CTPS2: variants seen among roughly 807,000 people sequenced by gnomAD.
The protein encoded by CTPS2 is CTP synthase II.
CTPS2 carries 19 observed loss-of-function variants against 46.8 expected under a neutral mutation model. The observed-to-expected ratio is 0.41, with a 90% CI of 0.28 to 0.60. The LOEUF is 0.60. CTPS2 is among the 20% of genes least tolerant of loss of function. CTPS2 has a pLI of 0.35. For synonymous variants in CTPS2, 151 were observed against 165.2 expected, an observed-to-expected ratio of 0.91 and a Z score of 0.66; for missense variants, 286 against 447.6, an observed-to-expected ratio of 0.64 and a Z score of 3.26.
chrX:16,672,852 T>C (rs1347252800), intron 10 of CTPS2, among the ~76,000 whole-genome samples: 2 of 108,746 alleles, frequency 1.8e-5, no homozygotes, highest in African/African-American at 6.7e-5. Context: ...AAGTTTTGAT[T>C]AATGGTAAAA....
chrX:16,658,362 A>G lies in CTPS2; in HGVS notation c.1296+9152T>C, dbSNP rs369328598. The stretch of plus-strand genomic sequence containing the variant: ...AACTCTTAAACATTTCTCATGACTC[A>G]TTACATTCCACTGTACAGATACCCC... On this transcript the variant is annotated intron_variant, in intron 13 of 18. Coordinates refer to ENST00000359276, the MANE Select transcript of CTPS2 (RefSeq NM_175859.3). Among the ~76,000 whole-genome samples the G allele has an allele frequency of 1.6e-4, 18 of 112,055 alleles. No individual in the cohort carries two copies. The East Asian group carries it at 2.8e-3, about 17-fold the overall frequency.
At chrX:16,676,972 T>C (rs992155894) in intron 10 of CTPS2, among the ~76,000 whole-genome samples, 1 of 107,745 alleles carries the variant, frequency 9.3e-6, no homozygotes, top group Non-Finnish European at 1.9e-5. Flanking sequence ...GGCAGAAGAA[T>C]TGCTTGAACC....
chrX:16,703,296 G>A (rs1924724513), intron 1 of CTPS2, among the ~76,000 whole-genome samples: 1 of 107,923 alleles, frequency 9.3e-6, no homozygotes, highest in African/African-American at 3.4e-5. Context: ...CAAAGTGCTG[G>A]GATAACAGGC....
chrX:16,675,610 A>G (rs1426250378), intron 10 of CTPS2, among the ~76,000 whole-genome samples: 1 of 112,414 alleles, frequency 8.9e-6, no homozygotes, highest in East Asian at 2.8e-4. Flanking sequence ...GTTGTAAGCC[A>G]CAGATGTAAC....
intron 2 of CTPS2, among the ~76,000 whole-genome samples, chrX:16,699,644 C>T (rs1326883150): frequency 4.4e-5 from 5 of 112,555 alleles, no homozygotes; most frequent in Non-Finnish European, 9.4e-5. Context: ...CCAACTTTAA[C>T]TACTAGACAC....
At position 16,591,230 on chromosome X, in the gene CTPS2, G is replaced by T. The variant is rs6629156; in HGVS notation, c.1692-368C>A. On this transcript the variant is annotated intron_variant, in intron 17 of 18. Transcript: ENST00000359276. ...CTTCCTGCCACCTTAACTATTGCTT[G>T]CTTTCTACTAGAGGTGTTATATTAA... Among the ~76,000 whole-genome samples, 282 of 111,688 alleles carry T rather than the reference G, an allele frequency of 2.5e-3. 2 individuals carry two copies. Among genetic ancestry groups the T allele is most frequent in the African/African-American group, 8.7e-3 (269 of 30,757 alleles).
intron 17 of CTPS2, among the ~76,000 whole-genome samples, chrX:16,607,078 C>T (rs1252260895): frequency 1.8e-5 from 2 of 112,941 alleles, no homozygotes; most frequent in Non-Finnish European, 3.7e-5. Context: ...GACCACCACC[C>T]GCCATGCGGG....
rs188944036 is a variant in CTPS2 at position 16,601,552 on chromosome X, T to C, written c.1691+7989A>G. ...ATATGGATTTGTGTGCATTTTATCC[T>C]ATAAACCAAGGGAAGCCATCGGGGG... On this transcript the variant is annotated intron_variant, in intron 17 of 18. Transcript: ENST00000359276. Among the ~76,000 whole-genome samples the C allele has an allele frequency of 1.0e-4, 8 of 76,700 alleles. No homozygotes were observed. The East Asian group carries it at 4.3e-3, about 41-fold the overall frequency. The allele number at this position is 76,700 out of a possible 115,157, so 66.6% of individuals were successfully genotyped here. A position where few individuals can be genotyped will look rare whatever the true frequency, so the allele number is the denominator to read the frequency against.
At chrX:16,630,533 T>C (rs112041205) in intron 14 of CTPS2, among the ~76,000 whole-genome samples, 3,117 of 110,368 alleles carry the variant, frequency 0.028, 117 homozygotes, top group African/African-American at 0.097. Context: ...GGATTACAGG[T>C]GTGAGCCACC....
chrX:16,647,609 G>C (rs747411627), intron 13 of CTPS2, among the ~76,000 whole-genome samples: 24 of 110,330 alleles, frequency 2.2e-4, no homozygotes, highest in African/African-American at 7.9e-4. Context: ...CTTGAAAGAA[G>C]AGATTTGTAG....
chrX:16,615,660 T>C (rs1930492054), intron 16 of CTPS2, among the ~76,000 whole-genome samples: 1 of 112,028 alleles, frequency 8.9e-6, no homozygotes, highest in South Asian at 3.8e-4. Context: ...TGGGTTTCCC[T>C]GTCAGTCTAT....
At chrX:16,674,771 G>A (rs1254479459) in intron 10 of CTPS2, among the ~76,000 whole-genome samples, 2 of 107,388 alleles carry the variant, frequency 1.9e-5, no homozygotes, top group Non-Finnish European at 3.8e-5. Flanking sequence ...CCAGGAGGCA[G>A]AGCTTGCAGT....
rs770730197 is a variant in CTPS2 at position 16,689,616 on chromosome X, G to A, written c.721-15C>T. Reference sequence around the variant, plus strand: ...ATACATATGACCTAAGTGGCGATGAGAAATCACCATACTTAGATGGATCTA... The same window carrying A: ...ATACATATGACCTAAGTGGCGATGAAAAATCACCATACTTAGATGGATCTA... On this transcript the variant is annotated splice_polypyrimidine_tract_variant and intron_variant, in intron 7 of 18. Coordinates refer to ENST00000359276, the MANE Select transcript of CTPS2 (RefSeq NM_175859.3). 1 of 1,188,382 alleles carries A rather than the reference G, an allele frequency of 8.4e-7. No individual in the cohort carries two copies. The highest frequency in any genetic ancestry group is 1.1e-6 in the Non-Finnish European group (1 of 880,249).
chrX:16,678,927 A>G (rs1386030438), intron 9 of CTPS2, among the ~76,000 whole-genome samples: 13 of 111,187 alleles, frequency 1.2e-4, no homozygotes, highest in African/African-American at 4.3e-4. Flanking sequence ...TGGAGGAAAG[A>G]CAGGAAGGAT....
chrX:16,702,643 A>C, intron 2 of CTPS2, 94 bp downstream of exon 2: 1 of 825,329 alleles, frequency 1.2e-6, no homozygotes, highest in Non-Finnish European at 1.8e-6. Context: ...AGTCACTCTA[A>C]ATCTGGAACT....
chrX:16,600,873 G>A (rs1380127388), intron 17 of CTPS2, among the ~76,000 whole-genome samples: 2 of 111,912 alleles, frequency 1.8e-5, no homozygotes, highest in African/African-American at 6.5e-5. Flanking sequence ...TAACAAAGCG[G>A]GGAAAGTGGC....
intron 4 of CTPS2, among the ~76,000 whole-genome samples, chrX:16,695,534 CTTT>C: frequency 9.0e-6 from 1 of 111,213 alleles, no homozygotes; most frequent in Admixed American, 9.6e-5. Flanking sequence ...TTTTCTTTTT[CTTT>C]TTTTATTTTT....
In CTPS2 at chrX:16,623,792, C is replaced by CT. The variant is rs60328217; in HGVS notation, c.1394-3461dup. Reference sequence around the variant, plus strand: ...ATACCCAGCAGTCATCCCCTCAATTCTTTTTTTTTTTTTTTTTTTTTTTTT... The same window carrying CT: ...ATACCCAGCAGTCATCCCCTCAATTCTTTTTTTTTTTTTTTTTTTTTTTTTT... On this transcript the variant is annotated intron_variant, in intron 14 of 18. Transcript: ENST00000359276. Among the ~76,000 whole-genome samples the CT allele has an allele frequency of 3.7e-3, 81 of 21,693 alleles. 15 individuals carry two copies. Among genetic ancestry groups the CT allele is most frequent in the African/African-American group, 5.6e-3 (30 of 5,315 alleles). The allele number at this position is 21,693 out of a possible 115,157, so 18.8% of individuals were successfully genotyped here.
chrX:16,664,432 G>C (rs768428657), intron 13 of CTPS2, among the ~76,000 whole-genome samples: 2 of 111,423 alleles, frequency 1.8e-5, no homozygotes, highest in African/African-American at 6.5e-5. Flanking sequence ...TATGGTTTGA[G>C]TTACAAGCTA....
Sources: gnomAD v4.1 joint callset for allele counts (sites outside exome capture counted in the v4.1 genomes callset) on GRCh38, gnomAD v4.1.1 for gene constraint, MANE v1.5 for transcripts, NCBI Gene and HGNC (gene_info 2026-07-23, HGNC 2026-07-21) for gene names.